Variants in VPS13B observed in about 807,000 individuals in gnomAD.
The protein encoded by VPS13B is vacuolar protein sorting 13 homolog B.
VPS13B carries 285 observed loss-of-function variants against 426.4 expected under a neutral mutation model. The ratio of observed to expected loss-of-function variants is 0.67; its 90% CI spans 0.61 to 0.74. The LOEUF (loss-of-function observed/expected upper bound fraction) is 0.74. VPS13B is among the 30% of genes least tolerant of loss of function. The probability of loss-of-function intolerance (pLI) is 0.00; values close to 1 mark genes in which losing one functional copy is unlikely to be tolerated. For missense variants in VPS13B, 4,537 were observed against 4,782.6 expected, an observed-to-expected ratio of 0.95 and a Z score of 1.51; for synonymous variants, 1,676 against 1,676.4, an observed-to-expected ratio of 1.00 and a Z score of 0.01.
intron 44 of VPS13B, among the ~76,000 whole-genome samples, chr8:99,813,654 C>T (rs146828014): frequency 7.9e-5 from 12 of 152,264 alleles, no homozygotes; most frequent in Middle Eastern, 3.4e-3. Context: ...GCTAGAGTAT[C>T]TAGGGGAAAT....
chr8:99,490,626 T>C (rs1820556762), intron 25 of VPS13B, among the ~76,000 whole-genome samples: 1 of 152,232 alleles, frequency 6.6e-6, no homozygotes, highest in South Asian at 2.1e-4. Context: ...TGGTTTAGTC[T>C]TGGGAGGGTG....
At chr8:99,873,935 C>T (rs551169732) in intron 61 of VPS13B, among the ~76,000 whole-genome samples, 1 of 152,308 alleles carries the variant, frequency 6.6e-6, no homozygotes, top group South Asian at 2.1e-4. Flanking sequence ...AATGACTTTT[C>T]TGGTTTTTAG....
chr8:99,661,425 G>T lies in VPS13B; in HGVS notation c.5980G>T (p.Asp1994Tyr), dbSNP rs1563849907. ...VWLQTVPGEI[D>Y]SKSGIPPSFI... ...GCTACAGACAGTGCCTGGAGAAATAGACAGCAAAAGTGGTATTCCACCTTC... is the reference window on the plus strand; with the variant it reads ...GCTACAGACAGTGCCTGGAGAAATATACAGCAAAAGTGGTATTCCACCTTC... The change falls in exon 35 of 62, where the codon GAC becomes TAC. Residue 1994 changes from aspartate to tyrosine, a missense_variant. Around this residue, in one of 2 missense-constraint regions of VPS13B, gnomAD observed 4,311 missense variants for 4,474.3 expected, o/e 0.96. Transcript: ENST00000357162. 6.2e-7 allele frequency: 1 copy of T among 1,613,632 alleles called. No homozygotes were observed. The highest frequency in any genetic ancestry group is 8.5e-7 in the Non-Finnish European group (1 of 1,179,864).
intron 31 of VPS13B, among the ~76,000 whole-genome samples, chr8:99,568,882 G>A (rs1226513039): frequency 6.7e-6 from 1 of 150,154 alleles, no homozygotes; most frequent in Non-Finnish European, 1.5e-5. Context: ...CGCAATTTTG[G>A]CTCACTGCAA....
At position 99,102,979 on chromosome 8, in the gene VPS13B, G is replaced by A; in HGVS notation, c.439G>A (p.Val147Ile). ...TTATGTGCAGAGTCTGATTAGACGAGTTGTAAATAATGTAAACATTGTGAT... is the reference window on the plus strand; with the variant it reads ...TTATGTGCAGAGTCTGATTAGACGAATTGTAAATAATGTAAACATTGTGAT... ...PGYVQSLIRR[V>I]VNNVNIVINN... The change falls in exon 5 of 62, where the codon GTT becomes ATT. Residue 147 changes from valine to isoleucine, a missense_variant. Physicochemically the swap from Val to Ile is conservative, Grantham distance 29. Around this residue, in one of 2 missense-constraint regions of VPS13B, gnomAD observed 226 missense variants for 308.3 expected, o/e 0.73. Transcript: ENST00000357162. 6.2e-7 allele frequency: 1 copy of A among 1,610,778 alleles called. No homozygotes were observed. The highest frequency in any genetic ancestry group is 8.5e-7 in the Non-Finnish European group (1 of 1,177,328).
rs61754112 is a variant in VPS13B at position 99,511,235 on chromosome 8, A to T, written c.4356A>T (p.Leu1452Phe). The change falls in exon 29 of 62, where the codon TTA (leucine) becomes TTT (phenylalanine). Residue 1452 changes from leucine (L) to phenylalanine (F), a missense_variant. Around this residue, in one of 2 missense-constraint regions of VPS13B, gnomAD observed 4,311 missense variants for 4,474.3 expected, o/e 0.96. Transcript: ENST00000357162. ...SRNERRSFHK[L>F]SEGLMDGSPH... ...ATGAGCGAAGAAGTTTTCATAAGTT[A>T]TCTGAAGGCCTAATGGATGGTTCTC... 3.3e-5 allele frequency: 53 copies of T among 1,614,016 alleles called. No homozygotes were observed. The highest frequency in any genetic ancestry group is 3.1e-5 in the Non-Finnish European group (36 of 1,180,014).
chr8:99,182,716 G>A (rs1050244298), intron 16 of VPS13B, among the ~76,000 whole-genome samples: 1 of 152,078 alleles, frequency 6.6e-6, no homozygotes, highest in Non-Finnish European at 1.5e-5. Context: ...ATATGTTAAA[G>A]AGAAAGTCTA....
At chr8:99,190,569 T>C (rs1813507913) in intron 16 of VPS13B, among the ~76,000 whole-genome samples, 2 of 152,102 alleles carry the variant, frequency 1.3e-5, no homozygotes, top group South Asian at 4.1e-4. Context: ...CTATTGCCTT[T>C]ATTAGTTTTA....
intron 39 of VPS13B, among the ~76,000 whole-genome samples, chr8:99,751,190 A>T: frequency 6.6e-6 from 1 of 151,962 alleles, no homozygotes; most frequent in Admixed American, 6.6e-5. Flanking sequence ...TTAGCTTTTC[A>T]TGCTTTTTAT....
intron 5 of VPS13B, among the ~76,000 whole-genome samples, chr8:99,104,715 C>T (rs1846951460): frequency 6.6e-6 from 1 of 152,042 alleles, no homozygotes; most frequent in Non-Finnish European, 1.5e-5. Context: ...CCTCGACTTC[C>T]TGGGCTCAGG....
intron 23 of VPS13B, among the ~76,000 whole-genome samples, chr8:99,457,474 A>C (rs978694004): frequency 1.3e-5 from 2 of 152,114 alleles, no homozygotes; most frequent in African/African-American, 2.4e-5. Flanking sequence ...TCATTCTGGT[A>C]ATTGTGACTT....
chr8:99,470,931 C>G (rs1819371243), intron 24 of VPS13B, among the ~76,000 whole-genome samples: 1 of 151,848 alleles, frequency 6.6e-6, no homozygotes, highest in Non-Finnish European at 1.5e-5. Flanking sequence ...AAGACACATT[C>G]CATATAAGCA....
intron 21 of VPS13B, among the ~76,000 whole-genome samples, chr8:99,411,755 G>A (rs1815676676): frequency 6.6e-6 from 1 of 152,006 alleles, no homozygotes; most frequent in Non-Finnish European, 1.5e-5. Context: ...GTAAAGAAGG[G>A]CCCAGTTTCA....
chr8:99,822,807 A>G (rs1814453574), intron 50 of VPS13B, among the ~76,000 whole-genome samples: 1 of 152,214 alleles, frequency 6.6e-6, no homozygotes, highest in Non-Finnish European at 1.5e-5. Flanking sequence ...AAACTTTTAA[A>G]ACACAAGAAT....
At chr8:99,084,594 G>A (rs1259425503) in intron 3 of VPS13B, among the ~76,000 whole-genome samples, 1 of 152,162 alleles carries the variant, frequency 6.6e-6, no homozygotes, top group Admixed American at 6.6e-5. Flanking sequence ...GGCATTTAGC[G>A]CTATAATTTT....
chr8:99,286,061 C>G (rs192149858), intron 19 of VPS13B, among the ~76,000 whole-genome samples: 1 of 152,108 alleles, frequency 6.6e-6, no homozygotes, highest in South Asian at 2.1e-4. Flanking sequence ...TAATTACTCC[C>G]TTCTAAGCAC....
intron 19 of VPS13B, among the ~76,000 whole-genome samples, chr8:99,284,738 T>TGTGTGTG (rs1453964899): frequency 4.3e-5 from 2 of 46,802 alleles, no homozygotes; most frequent in Admixed American, 1.5e-4. Context: ...GTGTGTGTGT[T>TGTGTGTG]TTTGTAGAGA....
rs577329617 is a variant in VPS13B, at chr8:99,799,019, T to C, written c.7942-10356T>C. The stretch of plus-strand genomic sequence containing the variant: ...ATCATAACCTGTTACCATGAGTCTG[T>C]GTAACAAAAGCATTAACTCAGAGAC... On this transcript the variant is annotated intron_variant, in intron 43 of 61. Transcript: ENST00000357162. The C allele has an allele frequency of 2.6e-5, 4 of 152,318 alleles. No individual in the cohort carries two copies. In the South Asian group the frequency reaches 6.2e-4, roughly 24 times the overall value. The allele number at this position is 152,318 out of a possible 1,614,324, so 9.4% of individuals were successfully genotyped here. A position where few individuals can be genotyped will look rare whatever the true frequency, so the allele number is the denominator to read the frequency against.
intron 28 of VPS13B, among the ~76,000 whole-genome samples, 188 bp downstream of exon 28, chr8:99,507,391 A>G (rs1486658036): frequency 6.6e-6 from 1 of 152,208 alleles, no homozygotes; most frequent in African/African-American, 2.4e-5. Flanking sequence ...TTTTGTAACC[A>G]TCTTCCTGTT....
Sources: allele counts gnomAD v4.1 joint callset (sites outside exome capture counted in the v4.1 genomes callset), GRCh38; gene constraint gnomAD v4.1.1; regional missense constraint gnomAD v4.1.1; transcripts MANE v1.5; gene names NCBI Gene and HGNC (gene_info 2026-07-23, HGNC 2026-07-21).